CACNA2D3: variants seen among roughly 807,000 people sequenced by gnomAD.
CACNA2D3 encodes voltage-dependent calcium channel subunit alpha-2/delta-3.
In CACNA2D3, 60 loss-of-function variants were observed where a neutral mutation model predicts 160.6. The observed-to-expected ratio is 0.37, with a 90% CI of 0.30 to 0.46. CACNA2D3 has a LOEUF of 0.46. CACNA2D3 is among the 20% of genes least tolerant of loss of function. CACNA2D3 has a pLI of 1.00. For synonymous variants in CACNA2D3, 558 were observed against 492.9 expected (o/e 1.13, Z -1.75); for missense variants, 1,205 against 1,365.0 (o/e 0.88, Z 1.85).
chr3:54,892,976 C>G (rs1375520079), intron 25 of CACNA2D3, among the ~76,000 whole-genome samples: 1 of 151,810 alleles, frequency 6.6e-6, no homozygotes, highest in Non-Finnish European at 1.5e-5. Flanking sequence ...CTGTGAAGAT[C>G]AAAAAAAATT....
chr3:54,531,881 A>G (rs17140), intron 5 of CACNA2D3, among the ~76,000 whole-genome samples: 94,223 of 152,182 alleles, frequency 0.62, 29,400 homozygotes, highest in Non-Finnish European at 0.65. Flanking sequence ...TTCCTGTTCT[A>G]AACATAAAAT....
intron 4 of CACNA2D3, among the ~76,000 whole-genome samples, chr3:54,450,868 G>A (rs995314429): frequency 2.0e-5 from 3 of 152,164 alleles, no homozygotes; most frequent in Non-Finnish European, 4.4e-5. Flanking sequence ...GACTCAGGGT[G>A]TGGTGCATCC....
intron 2 of CACNA2D3, among the ~76,000 whole-genome samples, chr3:54,304,613 G>A (rs1343626643): frequency 1.3e-5 from 2 of 152,074 alleles, no homozygotes; most frequent in Admixed American, 1.3e-4. Context: ...TCTACCATCT[G>A]ATTGTTTTCC....
rs1280362003 is a variant in CACNA2D3 at position 54,503,477 on chromosome 3, G to T, written c.382-15G>T. Reference sequence around the variant, plus strand: ...CCCTAAGCCACATGTAATGTTTTTTGACTTTGTCTTTCAGTATGAATACTT... The same window carrying T: ...CCCTAAGCCACATGTAATGTTTTTTTACTTTGTCTTTCAGTATGAATACTT... On this transcript the variant is annotated splice_polypyrimidine_tract_variant and intron_variant, in intron 4 of 37. Transcript: ENST00000474759. 2 of 1,612,932 alleles carry T rather than the reference G, an allele frequency of 1.2e-6. No individual in the cohort carries two copies. The highest frequency in any genetic ancestry group is 1.1e-5 in the South Asian group (1 of 90,992).
At chr3:54,419,220 G>T (rs547096530) in intron 4 of CACNA2D3, among the ~76,000 whole-genome samples, 1 of 152,148 alleles carries the variant, frequency 6.6e-6, no homozygotes, top group Non-Finnish European at 1.5e-5. Context: ...CACAGGATGG[G>T]GTGTCCTGTG....
At chr3:54,818,587 TTC>T (rs1205280242) in intron 14 of CACNA2D3, among the ~76,000 whole-genome samples, 1 of 152,236 alleles carries the variant, frequency 6.6e-6, no homozygotes, top group Non-Finnish European at 1.5e-5. Context: ...CATTCACTTC[TTC>T]TGTCATCATA....
At chr3:54,250,597 C>A (rs796661001) in intron 2 of CACNA2D3, among the ~76,000 whole-genome samples, 7 of 152,136 alleles carry the variant, frequency 4.6e-5, no homozygotes, top group African/African-American at 1.7e-4. Flanking sequence ...CAATACTTGG[C>A]TAATTTTTAA....
chr3:54,213,284 G>A (rs564900750), intron 2 of CACNA2D3, among the ~76,000 whole-genome samples: 1 of 152,284 alleles, frequency 6.6e-6, no homozygotes, highest in East Asian at 1.9e-4. Flanking sequence ...AGTTTAAATA[G>A]AAATAAGAAA....
chr3:54,193,468 A>G (rs546580017), intron 2 of CACNA2D3, among the ~76,000 whole-genome samples: 105 of 152,366 alleles, frequency 6.9e-4, no homozygotes, highest in African/African-American at 2.4e-3. Context: ...ATAATAGTAA[A>G]CATTTGAATT....
At chr3:54,467,125 C>A (rs1486411201) in intron 4 of CACNA2D3, among the ~76,000 whole-genome samples, 1 of 150,488 alleles carries the variant, frequency 6.6e-6, no homozygotes, top group Non-Finnish European at 1.5e-5. Context: ...GGGGTCCTGG[C>A]TGGCAAAAGG....
intron 35 of CACNA2D3, among the ~76,000 whole-genome samples, chr3:55,040,200 A>G (rs1703927154): frequency 6.6e-6 from 1 of 152,096 alleles, no homozygotes. Flanking sequence ...CTCTACCCTT[A>G]TGACCTCATC....
At chr3:54,423,197 C>T (rs2106755315) in intron 4 of CACNA2D3, among the ~76,000 whole-genome samples, 1 of 152,106 alleles carries the variant, frequency 6.6e-6, no homozygotes, top group Non-Finnish European at 1.5e-5. Flanking sequence ...CTGGAGTTAG[C>T]AGTGGGATCA....
intron 4 of CACNA2D3, among the ~76,000 whole-genome samples, chr3:54,409,657 A>C (rs1237316137): frequency 6.6e-6 from 1 of 152,244 alleles, no homozygotes; most frequent in African/African-American, 2.4e-5. Context: ...CTTGAAGGAA[A>C]TTACAAGTGC....
At chr3:54,338,715 C>G (rs1238748608) in intron 3 of CACNA2D3, among the ~76,000 whole-genome samples, 1 of 152,086 alleles carries the variant, frequency 6.6e-6, no homozygotes, top group Non-Finnish European at 1.5e-5. Flanking sequence ...CTGACTCTGC[C>G]TCTTGATCGC....
At chr3:54,172,103 C>T (rs758282603) in intron 2 of CACNA2D3, among the ~76,000 whole-genome samples, 2 of 152,216 alleles carry the variant, frequency 1.3e-5, no homozygotes, top group Non-Finnish European at 2.9e-5. Flanking sequence ...CGGTCCTTTG[C>T]GGTGTTTGCC....
intron 2 of CACNA2D3, among the ~76,000 whole-genome samples, chr3:54,266,655 C>G (rs763440612): frequency 6.6e-6 from 1 of 152,170 alleles, no homozygotes; most frequent in Non-Finnish European, 1.5e-5. Context: ...CAGTAGCAGC[C>G]TAGTCCATGC....
intron 10 of CACNA2D3, chr3:54,632,330 G>A (rs1226452106): frequency 2.0e-5 from 3 of 152,082 alleles, no homozygotes; most frequent in Non-Finnish European, 4.4e-5. Context: ...ATTTTTCCAG[G>A]ATGTTTTCAG....
chr3:55,014,838 T>A (rs1703294134), intron 34 of CACNA2D3, among the ~76,000 whole-genome samples: 1 of 152,176 alleles, frequency 6.6e-6, no homozygotes, highest in African/African-American at 2.4e-5. Flanking sequence ...ATATATGTGG[T>A]GTTTTCCATA....
At chr3:54,501,342 A>G (rs188013697) in intron 4 of CACNA2D3, among the ~76,000 whole-genome samples, 5 of 152,146 alleles carry the variant, frequency 3.3e-5, no homozygotes, top group African/African-American at 9.6e-5. Flanking sequence ...AAGCTGTTAT[A>G]TGTTAGATTA....
Sources: gnomAD v4.1 joint callset for allele counts (sites outside exome capture counted in the v4.1 genomes callset) on GRCh38, gnomAD v4.1.1 for gene constraint, MANE v1.5 for transcripts, NCBI Gene and HGNC (gene_info 2026-07-23, HGNC 2026-07-21) for gene names.